Variants in COCH observed in about 807,000 individuals in gnomAD.
COCH encodes the protein coagulation factor C homolog, cochlin (Limulus polyphemus).
COCH carries 40 observed loss-of-function variants against 54.8 expected under a neutral mutation model. The ratio of observed to expected loss-of-function variants is 0.73; its 90% CI spans 0.57 to 0.95. COCH has a LOEUF of 0.95. Among genes scored for constraint, COCH ranks in the 40% least tolerant of loss-of-function variants. The probability of loss-of-function intolerance (pLI) is 0.00; values close to 1 mark genes in which losing one functional copy is unlikely to be tolerated. For synonymous variants in COCH, 256 were observed against 237.9 expected (o/e 1.08, Z -0.70); for missense variants, 605 against 675.0 (o/e 0.90, Z 1.15).
downstream of COCH, among the ~76,000 whole-genome samples, chr14:30,890,861 G>GA (rs1356595329): frequency 6.6e-6 from 1 of 151,820 alleles, no homozygotes; most frequent in Non-Finnish European, 1.5e-5. Flanking sequence ...AACATAGTGA[G>GA]AACCCCCTCT....
At chr14:30,893,972 A>G (rs1896061001), downstream of COCH, 1 of 152,616 alleles carries the variant, frequency 6.6e-6, no homozygotes, top group African/African-American at 2.4e-5. Context: ...CAATCTTAAA[A>G]ATTTGCTGAT....
At chr14:30,889,044 T>C (rs956998074) in intron 11 of COCH, 1 of 153,380 alleles carries the variant, frequency 6.5e-6, no homozygotes, top group African/African-American at 2.4e-5. Flanking sequence ...TTAGACAGTT[T>C]GCCAATATAA....
At chr14:30,889,502 TTAG>T in intron 11 of COCH, 111 bp from the exon 12 acceptor site, 2 of 899,742 alleles carry the variant, frequency 2.2e-6, no homozygotes, top group Non-Finnish European at 3.6e-6. Flanking sequence ...TGTCCAGAAA[TTAG>T]TAAGCAGTTT....
Position 30,877,712 on chromosome 14 carries a change from G to A in COCH, c.223G>A (p.Gly75Arg), listed in dbSNP as rs755669391. ...IVYASVSSIC[G>R]AAVHRGVISN... is the part of the protein sequence containing the mutation. ...ATATGCTTCTGTATCGAGCATATGT[G>A]GGGCTGCTGTCCACAGGTAAGCCCA... Residue 75 changes from glycine (G) to arginine (R), a missense_variant, in exon 4 of 12, where the codon GGG becomes AGG. Coordinates refer to ENST00000396618, the MANE Select transcript of COCH (RefSeq NM_004086.3). The surrounding 1 kb of genome is among the most constrained non-coding windows in gnomAD (Gnocchi z 8.6). The A allele has an allele frequency of 1.1e-5, 17 of 1,614,166 alleles. No individual in the cohort carries two copies. Among genetic ancestry groups the A allele is most frequent in the Non-Finnish European group, 1.4e-5 (16 of 1,180,036 alleles).
chr14:30,892,915 T>C (rs996119454), downstream of COCH, among the ~76,000 whole-genome samples: 4 of 152,092 alleles, frequency 2.6e-5, no homozygotes, highest in Non-Finnish European at 5.9e-5. Flanking sequence ...CAGTGTACAA[T>C]GTAATTTCTT....
Position 30,874,981 on chromosome 14 carries a change from G to T in COCH, c.34+9G>T. 2 of 1,613,034 alleles carry T rather than the reference G, an allele frequency of 1.2e-6. No homozygotes were observed. The highest frequency in any genetic ancestry group is 8.5e-7 in the Non-Finnish European group (1 of 1,179,814). ...CCCGGCTCTCGGCCTCGGTGGGTGC[G>T]CGCCCCTCACGACCCCGGCCCCTTG... On this transcript the variant is annotated intron_variant, in intron 2 of 11. Coordinates refer to ENST00000396618, the MANE Select transcript of COCH (RefSeq NM_004086.3).
At position 30,874,992 on chromosome 14, in the gene COCH, G is replaced by T. The variant is rs1179509457; in HGVS notation, c.34+20G>T. On this transcript the variant is annotated intron_variant, in intron 2 of 11. Transcript: ENST00000396618. ...GCCTCGGTGGGTGCGCGCCCCTCACGACCCCGGCCCCTTGCTCCGCTGGGT... is the reference window on the plus strand; with the variant it reads ...GCCTCGGTGGGTGCGCGCCCCTCACTACCCCGGCCCCTTGCTCCGCTGGGT... 2 of 1,612,846 alleles carry T rather than the reference G, an allele frequency of 1.2e-6. No individual in the cohort carries two copies. The highest frequency in any genetic ancestry group is 1.1e-5 in the South Asian group (1 of 91,066).
At chr14:30,880,076 C>G (rs779842304) in intron 6 of COCH, among the ~76,000 whole-genome samples, 25 of 152,218 alleles carry the variant, frequency 1.6e-4, no homozygotes, top group Non-Finnish European at 3.5e-4. Context: ...CCTTTAATTA[C>G]TGCACTGTCA....
chr14:30,890,908 G>GC (rs2138903145), downstream of COCH, among the ~76,000 whole-genome samples: 1 of 152,008 alleles, frequency 6.6e-6, no homozygotes, highest in East Asian at 1.9e-4. Context: ...GTGGGATGGT[G>GC]CATGTCTGTA....
At chr14:30,884,476 T>C in intron 8 of COCH, 77 bp from the exon 9 acceptor site, 1 of 970,586 alleles carries the variant, frequency 1.0e-6, no homozygotes, top group Non-Finnish European at 1.6e-6. Flanking sequence ...GTTTTAAAAC[T>C]GTTTTTTAAG....
chr14:30,877,697 G>A lies in COCH; in HGVS notation c.208G>A (p.Val70Ile). ...SVYGNIVYAS[V>I]SSICGAAVHR... ...GTATGGGAACATAGTATATGCTTCT[G>A]TATCGAGCATATGTGGGGCTGCTGT... The change falls in exon 4 of 12, where the codon GTA becomes ATA. Residue 70 changes from valine (V) to isoleucine (I), a missense_variant. Transcript: ENST00000396618. The surrounding 1 kb of genome is among the most constrained non-coding windows in gnomAD (Gnocchi z 8.6). 1 of 1,614,196 alleles carries A rather than the reference G, an allele frequency of 6.2e-7. No individual in the cohort carries two copies. The highest frequency in any genetic ancestry group is 8.5e-7 in the Non-Finnish European group (1 of 1,180,040).
At position 30,877,432 on chromosome 14, in the gene COCH, G is replaced by A; in HGVS notation, c.83-140G>A. On this transcript the variant is annotated intron_variant, in intron 3 of 11. Transcript: ENST00000396618. The surrounding 1 kb of genome is among the most constrained non-coding windows in gnomAD (Gnocchi z 8.6). ...GCTTGCCAAAATCTGGAATGGTATG[G>A]AAGGGTATATAAGTCAATAGTCATA... 1 of 1,067,548 alleles carries A rather than the reference G, an allele frequency of 9.4e-7. No individual in the cohort carries two copies. Among genetic ancestry groups the A allele is most frequent in the South Asian group, 1.5e-5 (1 of 67,758 alleles). 66.1% of individuals were successfully genotyped at this position (1,067,548 alleles called of 1,614,324 possible). A position where few individuals can be genotyped will look rare whatever the true frequency, so the allele number is the denominator to read the frequency against.
chr14:30,878,724 A>C, intron 4 of COCH, 87 bp from the exon 5 acceptor site: 1 of 1,577,204 alleles, frequency 6.3e-7, no homozygotes, highest in South Asian at 1.1e-5. Flanking sequence ...GATTAATCAA[A>C]GCAATAGATA....
chr14:30,875,939 G>T (rs1433830058), intron 3 of COCH: 1 of 152,114 alleles, frequency 6.6e-6, no homozygotes, highest in African/African-American at 2.4e-5. Context: ...TTAGGGGTAA[G>T]GATTTTAACC....
chr14:30,882,785 A>T (rs1895660242), intron 8 of COCH, among the ~76,000 whole-genome samples: 1 of 152,176 alleles, frequency 6.6e-6, no homozygotes, highest in South Asian at 2.1e-4. Flanking sequence ...GCTGCTCAGG[A>T]GGCTGAGGTG....
intron 8 of COCH, among the ~76,000 whole-genome samples, chr14:30,880,939 T>C (rs1324911823): frequency 6.6e-6 from 1 of 152,004 alleles, no homozygotes; most frequent in Non-Finnish European, 1.5e-5. Context: ...TGAGGCCGGG[T>C]GCAGTGGCTC....
chr14:30,887,912 T>C (rs984730547), intron 11 of COCH, among the ~76,000 whole-genome samples: 4 of 152,340 alleles, frequency 2.6e-5, no homozygotes, highest in South Asian at 2.1e-4. Flanking sequence ...ACTGAACTTA[T>C]AGTTAACAGG....
At chr14:30,887,794 A>G (rs189526778) in intron 11 of COCH, among the ~76,000 whole-genome samples, 18 of 152,360 alleles carry the variant, frequency 1.2e-4, no homozygotes, top group Admixed American at 1.0e-3. Flanking sequence ...CAGAGAACAC[A>G]TGCAATTTAA....
chr14:30,895,591 A>T (rs200172123), downstream of COCH: 12 of 1,610,346 alleles, frequency 7.5e-6, no homozygotes, highest in African/African-American at 1.3e-5. Flanking sequence ...CTGTAAAAGA[A>T]CAAATAAAAT....
Sources: gnomAD v4.1 joint callset for allele counts (sites outside exome capture counted in the v4.1 genomes callset) on GRCh38, gnomAD v4.1.1 for gene constraint, Gnocchi (gnomAD v3.1) non-coding constraint, MANE v1.5 for transcripts, NCBI Gene and HGNC (gene_info 2026-07-23, HGNC 2026-07-21) for gene names.